The following SDK1 variants were observed in gnomAD, a reference collection of about 807,000 sequenced individuals.
The protein encoded by SDK1 is sidekick cell adhesion molecule 1.
Under a neutral mutation model 245.5 loss-of-function variants are expected in SDK1, and 157 were observed. The ratio of observed to expected loss-of-function variants is 0.64; its 90% CI spans 0.56 to 0.73. SDK1 has a LOEUF of 0.73. Ranked by LOEUF, SDK1 falls within the 30% of genes least tolerant of loss-of-function variation. The pLI is 0.00. For synonymous variants in SDK1, 1,647 were observed against 1,278.5 expected (o/e 1.29, Z -6.15); for missense variants, 3,583 against 3,002.3 (o/e 1.19, Z -4.52).
intron 4 of SDK1, among the ~76,000 whole-genome samples, chr7:3,662,010 T>A (rs868456886): frequency 3.9e-4 from 59 of 151,300 alleles, no homozygotes; most frequent in Non-Finnish European, 7.7e-4. Flanking sequence ...CTTACTCAAA[T>A]GTTTCAAATA....
At chr7:3,507,166 A>T (rs952821909) in intron 1 of SDK1, among the ~76,000 whole-genome samples, 4 of 152,098 alleles carry the variant, frequency 2.6e-5, no homozygotes, top group African/African-American at 9.7e-5. Context: ...GTGGGACTCT[A>T]ATGTCTTCAA....
intron 14 of SDK1, among the ~76,000 whole-genome samples, chr7:3,997,860 A>G (rs1784798968): frequency 6.6e-6 from 1 of 152,092 alleles, no homozygotes; most frequent in South Asian, 2.1e-4. Flanking sequence ...GCTGCCATTC[A>G]TGGCACTCAT....
chr7:3,403,865 ATAT>A (rs1562466225), intron 1 of SDK1, among the ~76,000 whole-genome samples: 36 of 102,360 alleles, frequency 3.5e-4, no homozygotes, highest in Admixed American at 1.3e-3. Context: ...ATATATATAT[ATAT>A]AATATATATA....
At chr7:3,764,661 G>A (rs929480175) in intron 4 of SDK1, among the ~76,000 whole-genome samples, 3 of 151,718 alleles carry the variant, frequency 2.0e-5, no homozygotes, top group Admixed American at 1.3e-4. Flanking sequence ...TAGCCTGGGC[G>A]ACAGAGTGAG....
intron 1 of SDK1, among the ~76,000 whole-genome samples, chr7:3,525,533 A>G (rs1204548040): frequency 6.6e-6 from 1 of 152,098 alleles, no homozygotes; most frequent in Non-Finnish European, 1.5e-5. Flanking sequence ...ACCAACCTGG[A>G]AAGTGTTTTT....
At chr7:4,116,782 G>A (rs1347286327) in intron 25 of SDK1, among the ~76,000 whole-genome samples, 13 of 152,218 alleles carry the variant, frequency 8.5e-5, no homozygotes, top group Non-Finnish European at 1.5e-4. Context: ...AGGGCGTGGC[G>A]TGAACCCTGG....
chr7:3,804,560 C>G (rs779574491), intron 4 of SDK1, among the ~76,000 whole-genome samples: 1 of 152,034 alleles, frequency 6.6e-6, no homozygotes, highest in Non-Finnish European at 1.5e-5. Flanking sequence ...ATTCTTCTGC[C>G]TTTACATATT....
At chr7:3,878,161 T>G (rs1270888322) in intron 5 of SDK1, among the ~76,000 whole-genome samples, 1 of 152,194 alleles carries the variant, frequency 6.6e-6, no homozygotes, top group Non-Finnish European at 1.5e-5. Flanking sequence ...CTCCCCAAAA[T>G]CAAACAGTAT....
At chr7:3,866,822 C>T (rs1166635003) in intron 5 of SDK1, among the ~76,000 whole-genome samples, 1 of 152,144 alleles carries the variant, frequency 6.6e-6, no homozygotes, top group Admixed American at 6.5e-5. Context: ...GGCGTAAGGA[C>T]AGACTGTGAA....
At chr7:3,922,993 G>T (rs1437706207) in intron 5 of SDK1, among the ~76,000 whole-genome samples, 1 of 152,158 alleles carries the variant, frequency 6.6e-6, no homozygotes, top group African/African-American at 2.4e-5. Flanking sequence ...CTTGATTCCA[G>T]CCAGGTTCAC....
chr7:3,835,425 A>C (rs758836346), intron 5 of SDK1, among the ~76,000 whole-genome samples: 1 of 152,142 alleles, frequency 6.6e-6, no homozygotes. Flanking sequence ...ACCTAATATC[A>C]GGGACAGTGT....
At chr7:3,822,606 C>CA (rs1779672776) in intron 5 of SDK1, among the ~76,000 whole-genome samples, 1 of 151,644 alleles carries the variant, frequency 6.6e-6, no homozygotes, top group Admixed American at 6.6e-5. Context: ...CCTGTCTCTA[C>CA]AAAAAATGCA....
chr7:4,047,695 C>T (rs1198463555), intron 17 of SDK1, among the ~76,000 whole-genome samples: 1 of 152,202 alleles, frequency 6.6e-6, no homozygotes, highest in Non-Finnish European at 1.5e-5. Flanking sequence ...CTCCTCCTCC[C>T]GCGCTCTGTG....
At chr7:3,375,642 C>G (rs572795881) in intron 1 of SDK1, among the ~76,000 whole-genome samples, 1 of 152,280 alleles carries the variant, frequency 6.6e-6, no homozygotes, top group Admixed American at 6.5e-5. Context: ...TGAGGACACT[C>G]AAGCAACTCT....
At chr7:3,495,781 T>G (rs955636703) in intron 1 of SDK1, among the ~76,000 whole-genome samples, 17 of 152,224 alleles carry the variant, frequency 1.1e-4, no homozygotes, top group African/African-American at 4.1e-4. Context: ...GTGGACCCAG[T>G]TCTACCACAG....
intron 44 of SDK1, among the ~76,000 whole-genome samples, chr7:4,250,811 C>A (rs1452966696): frequency 2.0e-5 from 3 of 152,162 alleles, no homozygotes; most frequent in African/African-American, 7.2e-5. Flanking sequence ...ATTCATATAT[C>A]ATATAATTTG....
At chr7:4,019,359 C>T (rs536589003) in intron 17 of SDK1, among the ~76,000 whole-genome samples, 4 of 152,192 alleles carry the variant, frequency 2.6e-5, no homozygotes, top group Non-Finnish European at 5.9e-5. Context: ...GTGACATCAG[C>T]TGCCTCTGAC....
intron 1 of SDK1, among the ~76,000 whole-genome samples, chr7:3,598,324 G>C (rs1233239126): frequency 1.3e-5 from 2 of 152,138 alleles, no homozygotes; most frequent in African/African-American, 4.8e-5. Flanking sequence ...TGCATTATCA[G>C]AATATTTTCT....
chr7:3,386,827 T>C (rs571267905), intron 1 of SDK1, among the ~76,000 whole-genome samples: 2 of 152,274 alleles, frequency 1.3e-5, no homozygotes, highest in East Asian at 1.9e-4. Context: ...TGCTGCTCCT[T>C]CTTCAACGTT....
Sources: gnomAD v4.1 joint callset for allele counts (sites outside exome capture counted in the v4.1 genomes callset) on GRCh38, gnomAD v4.1.1 for gene constraint, MANE v1.5 for transcripts, NCBI Gene and HGNC (gene_info 2026-07-23, HGNC 2026-07-21) for gene names.